Variants in MCM6 observed in about 807,000 individuals in gnomAD.
MCM6 encodes the protein minichromosome maintenance complex component 6, also known as DNA replication licensing factor MCM6.
In MCM6, 46 loss-of-function variants were observed where a neutral mutation model predicts 94.3. The observed-to-expected ratio is 0.49, with a 90% CI of 0.39 to 0.62. The LOEUF (loss-of-function observed/expected upper bound fraction) is 0.62. MCM6 is among the 20% of genes least tolerant of loss of function. The pLI, the probability that MCM6 is intolerant of heterozygous loss-of-function variation, is 0.00. For missense variants in MCM6, 865 were observed against 1,017.9 expected (o/e 0.85, Z 2.04); for synonymous variants, 335 against 351.9 (o/e 0.95, Z 0.54).
rs1680291798 is a variant in MCM6, at chr2:135,876,135, G to C, written c.107+124C>G. ...CGGAGCCTAAAGTTGGGGGGCGGGC[G>C]GGGAGGCGCTTCCCGGACGCGCGAC... On this transcript the variant is annotated intron_variant, in intron 1 of 16. Transcript: ENST00000264156. The C allele has an allele frequency of 5.9e-6, 4 of 673,280 alleles. No homozygotes were observed. In the South Asian group the frequency reaches 7.7e-5, roughly 13 times the overall value. The allele number at this position is 673,280 out of a possible 1,614,324, so 41.7% of individuals were successfully genotyped here.
intron 8 of MCM6, among the ~76,000 whole-genome samples, chr2:135,860,167 C>T (rs532950195): frequency 7.0e-4 from 106 of 151,908 alleles, no homozygotes; most frequent in Non-Finnish European, 1.1e-3. Flanking sequence ...GAGTCTTGCT[C>T]TGTCACCCAG....
chr2:135,859,191 C>G, intron 9 of MCM6, 110 bp downstream of exon 9: 1 of 910,746 alleles, frequency 1.1e-6, no homozygotes, highest in Admixed American at 2.6e-5. Context: ...CCGCGCCCAG[C>G]TGAGAATGCT....
intron 8 of MCM6, among the ~76,000 whole-genome samples, chr2:135,859,835 GCT>G (rs1345076543): frequency 6.6e-6 from 1 of 151,806 alleles, no homozygotes; most frequent in African/African-American, 2.4e-5. Context: ...ACACAGTCTT[GCT>G]CTGTCGCCCA....
rs1352593173 is a variant in MCM6 at position 135,852,808 on chromosome 2, A to G, written c.1734T>C (p.Phe578=). Residue 578 remains phenylalanine (F), a synonymous_variant, in exon 12 of 17, where the codon TTT becomes TTC. Transcript: ENST00000264156. ...TTACCTTGGGTTTAAACTGTCTTGC[A>G]AAGAGAAGATATCTTCTGATATCAT... is the stretch of plus-strand genomic sequence containing the variant. The part of the protein sequence containing the change: ...SLDDIRRYLL[F]ARQFKPKISK... 1.2e-6 allele frequency: 2 copies of G among 1,602,886 alleles called. No homozygotes were observed. The highest frequency in any genetic ancestry group is 1.1e-5 in the South Asian group (1 of 89,064).
chr2:135,846,286 G>A lies in MCM6; in HGVS notation c.2160C>T (p.Tyr720=), dbSNP rs1273696175. ...GCACAATAAGGTTAGAGATTCGGCA[G>A]TACTCAGAGAAGCCCAGCCTTAAGG... The part of the protein sequence containing the change: ...KASLRLGFSE[Y]CRISNLIVLH... Residue 720 remains tyrosine (Y), a synonymous_variant, in exon 15 of 17, where the codon TAC becomes TAT. Coordinates refer to ENST00000264156, the MANE Select transcript of MCM6 (RefSeq NM_005915.6). 6.2e-7 allele frequency: 1 copy of A among 1,614,126 alleles called. No individual in the cohort carries two copies. The highest frequency in any genetic ancestry group is 8.5e-7 in the Non-Finnish European group (1 of 1,180,002).
intron 7 of MCM6, among the ~76,000 whole-genome samples, chr2:135,864,363 G>A (rs369385669): frequency 2.2e-4 from 34 of 152,282 alleles, no homozygotes; most frequent in African/African-American, 7.0e-4. Flanking sequence ...CCAATGTGGT[G>A]ACCTACACCT....
At chr2:135,871,523 C>A (rs1680200483) in intron 2 of MCM6, among the ~76,000 whole-genome samples, 1 of 152,178 alleles carries the variant, frequency 6.6e-6, no homozygotes, top group Non-Finnish European at 1.5e-5. Context: ...CAACTGTCCA[C>A]AATTTATTTT....
intron 16 of MCM6, 41 bp from the exon 17 acceptor site, chr2:135,840,992 T>C: frequency 7.1e-7 from 1 of 1,403,756 alleles, no homozygotes; most frequent in South Asian, 1.2e-5. Context: ...TCAAGCAGTA[T>C]TATACCAATG....
intron 11 of MCM6, 62 bp from the exon 12 acceptor site, chr2:135,852,977 G>A: frequency 7.0e-7 from 1 of 1,436,934 alleles, no homozygotes; most frequent in Non-Finnish European, 9.3e-7. Flanking sequence ...GACTATCCCA[G>A]GCAATAAGAA....
intron 8 of MCM6, among the ~76,000 whole-genome samples, 195 bp downstream of exon 8, chr2:135,862,412 G>T (rs1217225697): frequency 6.6e-6 from 1 of 151,894 alleles, no homozygotes; most frequent in Non-Finnish European, 1.5e-5. Flanking sequence ...TGTGAGATTG[G>T]TATTACAGGC....
At chr2:135,868,584 T>C (rs1435916159) in intron 4 of MCM6, 27 bp downstream of exon 4, 2 of 1,608,752 alleles carry the variant, frequency 1.2e-6, no homozygotes, top group African/African-American at 2.7e-5. Flanking sequence ...AGATGGACTC[T>C]GATCTAAACA....
At position 135,876,303 on chromosome 2, in the gene MCM6, C is replaced by T; in HGVS notation, c.63G>A (p.Glu21=). ...ACAGTTTCTGGCACTTCTCGGCCAC[C>T]TCGTCGCGGACCTCCAGGTGCTGGC... is the stretch of plus-strand genomic sequence containing the variant. The part of the protein sequence containing the change: ...AGSQHLEVRD[E]VAEKCQKLFL... Residue 21 remains glutamate (E), a synonymous_variant, in exon 1 of 17, where the codon GAG becomes GAA. Transcript: ENST00000264156. 6.2e-7 allele frequency: 1 copy of T among 1,611,452 alleles called. No homozygotes were observed. Among genetic ancestry groups the T allele is most frequent in the East Asian group, 2.2e-5 (1 of 44,738 alleles).
intron 2 of MCM6, 68 bp from the exon 3 acceptor site, chr2:135,870,429 C>T (rs1680179313): frequency 2.9e-6 from 3 of 1,022,524 alleles, no homozygotes; most frequent in Non-Finnish European, 4.6e-6. Flanking sequence ...TACATACCTA[C>T]CAACAGCCGA....
In MCM6 at chr2:135,852,854, A is replaced by G; in HGVS notation, c.1688T>C (p.Ile563Thr). 6.2e-7 allele frequency: 1 copy of G among 1,611,380 alleles called. No homozygotes were observed. The highest frequency in any genetic ancestry group is 1.1e-5 in the South Asian group (1 of 90,702). The change falls in exon 12 of 17, where the codon ATT becomes ACT. Residue 563 changes from isoleucine (I) to threonine (T), a missense_variant. Physicochemically the swap from Ile to Thr is moderately conservative, Grantham distance 89 (BLOSUM62 -1). Around this residue, in one of 3 missense-constraint regions of MCM6, gnomAD observed 308 missense variants for 324.5 expected, o/e 0.95. Transcript: ENST00000264156. ...ATCATCGAGGGAATAGACACGATCA[A>G]TTGATTCCTCAATTCTTGAATGCAA... is the stretch of plus-strand genomic sequence containing the variant. ...VDLHSRIEESIDRVYSLDDIR... is the reference protein window; with the variant it reads ...VDLHSRIEESTDRVYSLDDIR...
At chr2:135,845,733 T>C (rs934362708) in intron 15 of MCM6, among the ~76,000 whole-genome samples, 1 of 152,230 alleles carries the variant, frequency 6.6e-6, no homozygotes. Context: ...TTGAATAGCA[T>C]GGTAAAGCAG....
chr2:135,866,824 A>G, intron 4 of MCM6, 96 bp from the exon 5 acceptor site: 1 of 1,037,520 alleles, frequency 9.6e-7, no homozygotes, highest in Non-Finnish European at 1.4e-6. Context: ...GACGTATTCT[A>G]AACTATCTGA....
At chr2:135,860,317 G>A (rs1295100653) in intron 8 of MCM6, among the ~76,000 whole-genome samples, 2 of 151,244 alleles carry the variant, frequency 1.3e-5, no homozygotes, top group Admixed American at 6.6e-5. Context: ...TGTATTTTTA[G>A]TAGAGATGGG....
In MCM6 at chr2:135,840,785, C is replaced by T. The variant is rs199970908; in HGVS notation, c.*50G>A. On this transcript the variant is annotated 3_prime_UTR_variant, in exon 17 of 17. Transcript: ENST00000264156. ...AGAGCTCCAGCCAGGCTCCAGGCCA[C>T]GAGGTGCTGTGCCACAGTTCCTCAG... 4.7e-5 allele frequency: 60 copies of T among 1,284,956 alleles called. No individual in the cohort carries two copies. In the East Asian group the frequency reaches 6.2e-4, roughly 13 times the overall value. The allele number at this position is 1,284,956 out of a possible 1,614,324, so 79.6% of individuals were successfully genotyped here. A position where few individuals can be genotyped will look rare whatever the true frequency, so the allele number is the denominator to read the frequency against.
intron 15 of MCM6, among the ~76,000 whole-genome samples, chr2:135,845,308 A>G (rs1338744908): frequency 6.6e-6 from 1 of 152,350 alleles, no homozygotes; most frequent in Non-Finnish European, 1.5e-5. Context: ...CCTGGATAAC[A>G]TAACTATCAT....
Sources: allele counts gnomAD v4.1 joint callset (sites outside exome capture counted in the v4.1 genomes callset), GRCh38; gene constraint gnomAD v4.1.1; regional missense constraint gnomAD v4.1.1; transcripts MANE v1.5; gene names NCBI Gene and HGNC (gene_info 2026-07-23, HGNC 2026-07-21).